Variants in SH3RF1 observed in about 807,000 individuals in gnomAD.
SH3RF1 encodes the protein E3 ubiquitin-protein ligase SH3RF1.
Under a neutral mutation model 74.0 loss-of-function variants are expected in SH3RF1, and 32 were observed. The observed-to-expected ratio is 0.43, with a 90% confidence interval of 0.33 to 0.58. The LOEUF (loss-of-function observed/expected upper bound fraction) is 0.58. SH3RF1 is among the 20% of genes least tolerant of loss of function. The pLI is 0.05. For synonymous variants in SH3RF1, 396 were observed against 439.6 expected, an observed-to-expected ratio of 0.90 and a Z score of 1.24; for missense variants, 954 against 1,130.9, an observed-to-expected ratio of 0.84 and a Z score of 2.24.
intron 2 of SH3RF1, among the ~76,000 whole-genome samples, chr4:169,230,116 G>GA (rs1197937838): frequency 6.6e-6 from 1 of 152,188 alleles, no homozygotes; most frequent in Non-Finnish European, 1.5e-5. Context: ...CGAGGCAGGA[G>GA]ACTGCTTGAA....
chr4:169,166,278 G>A (rs2126970391), intron 2 of SH3RF1: 1 of 152,972 alleles, frequency 6.5e-6, no homozygotes, highest in East Asian at 1.9e-4. Context: ...CCAGATGGTG[G>A]TGAAAAAATT....
intron 2 of SH3RF1, among the ~76,000 whole-genome samples, chr4:169,231,575 A>AT (rs201812152): frequency 3.3e-4 from 49 of 150,582 alleles, no homozygotes; most frequent in African/African-American, 1.0e-3. Context: ...CAAAAAAAAA[A>AT]TTTTTTTTTT....
At chr4:169,149,350 A>C (rs1338238529) in intron 4 of SH3RF1, among the ~76,000 whole-genome samples, 1 of 152,160 alleles carries the variant, frequency 6.6e-6, no homozygotes, top group Non-Finnish European at 1.5e-5. Flanking sequence ...GCCAGTGCTC[A>C]TTTTTCCTTT....
At chr4:169,103,084 CT>C (rs1733067957) in intron 11 of SH3RF1, among the ~76,000 whole-genome samples, 1 of 85,488 alleles carries the variant, frequency 1.2e-5, no homozygotes, top group Non-Finnish European at 2.2e-5. Context: ...CCGCGCCTGG[CT>C]ATTTTTTTTT....
chr4:169,111,958 C>T (rs1450919858), intron 10 of SH3RF1, among the ~76,000 whole-genome samples: 1 of 152,166 alleles, frequency 6.6e-6, no homozygotes, highest in African/African-American at 2.4e-5. Flanking sequence ...AAATAAAATA[C>T]TGTTCAAAGG....
At chr4:169,111,127 C>A (rs1733237192) in intron 10 of SH3RF1, among the ~76,000 whole-genome samples, 1 of 151,660 alleles carries the variant, frequency 6.6e-6, no homozygotes, top group Non-Finnish European at 1.5e-5. Context: ...CATGGTGAAA[C>A]CCTGTCTCTA....
chr4:169,228,282 C>T (rs1315164073), intron 2 of SH3RF1, among the ~76,000 whole-genome samples: 1 of 152,184 alleles, frequency 6.6e-6, no homozygotes, highest in African/African-American at 2.4e-5. Context: ...CAAATTAGCA[C>T]AAACTTCATG....
intron 2 of SH3RF1, among the ~76,000 whole-genome samples, chr4:169,227,627 T>C (rs2127005450): frequency 6.6e-6 from 1 of 152,316 alleles, no homozygotes; most frequent in South Asian, 2.1e-4. Flanking sequence ...ATAACATCTA[T>C]GCATTATTTA....
At chr4:169,240,532 G>C (rs1561062154) in intron 2 of SH3RF1, among the ~76,000 whole-genome samples, 2 of 152,110 alleles carry the variant, frequency 1.3e-5, no homozygotes, top group African/African-American at 4.8e-5. Flanking sequence ...AGCAGTTTGA[G>C]AAACTGTTCA....
At chr4:169,233,495 C>T (rs1730777148) in intron 2 of SH3RF1, among the ~76,000 whole-genome samples, 1 of 152,074 alleles carries the variant, frequency 6.6e-6, no homozygotes, top group Non-Finnish European at 1.5e-5. Context: ...GAAGGCTTAT[C>T]ACAGGACAGG....
chr4:169,204,530 T>C (rs1401712770), intron 2 of SH3RF1, among the ~76,000 whole-genome samples: 1 of 151,616 alleles, frequency 6.6e-6, no homozygotes, highest in East Asian at 1.9e-4. Context: ...CTTACCTGGT[T>C]ATCACATATA....
At chr4:169,156,267 G>T in intron 3 of SH3RF1, 137 bp downstream of exon 3, 2 of 915,558 alleles carry the variant, frequency 2.2e-6, no homozygotes, top group South Asian at 2.6e-5. Context: ...CTGCTTCTAG[G>T]CATTTTCAGA....
intron 2 of SH3RF1, among the ~76,000 whole-genome samples, chr4:169,237,951 T>C (rs1730846569): frequency 1.3e-5 from 2 of 152,170 alleles, no homozygotes; most frequent in Admixed American, 6.5e-5. Flanking sequence ...TGTAAGTCCT[T>C]GGCCTGCCTT....
chr4:169,168,757 G>A lies in SH3RF1; in HGVS notation c.394-12078C>T, dbSNP rs567583310. Among the ~76,000 whole-genome samples, 6 of 152,360 alleles carry A rather than the reference G, an allele frequency of 3.9e-5. No individual in the cohort carries two copies. The East Asian group carries it at 1.2e-3, about 29-fold the overall frequency. On this transcript the variant is annotated intron_variant, in intron 2 of 11. Coordinates refer to ENST00000284637, the MANE Select transcript of SH3RF1 (RefSeq NM_020870.4). ...GCCCAAAGGCAAAGGGACAGACTATGACTGATGATCTCTAGTAATCTATGA... is the reference window on the plus strand; with the variant it reads ...GCCCAAAGGCAAAGGGACAGACTATAACTGATGATCTCTAGTAATCTATGA...
At chr4:169,202,875 C>G (rs1243963296) in intron 2 of SH3RF1, among the ~76,000 whole-genome samples, 1 of 152,152 alleles carries the variant, frequency 6.6e-6, no homozygotes, top group Non-Finnish European at 1.5e-5. Context: ...CTTTAAAAAA[C>G]TGGCAATTGT....
intron 2 of SH3RF1, among the ~76,000 whole-genome samples, chr4:169,196,896 A>C (rs1027955421): frequency 1.3e-5 from 2 of 151,972 alleles, no homozygotes; most frequent in Non-Finnish European, 2.9e-5. Flanking sequence ...AAGACATGTT[A>C]ATCTCTATTT....
At chr4:169,225,461 C>A (rs900471621) in intron 2 of SH3RF1, among the ~76,000 whole-genome samples, 1 of 152,072 alleles carries the variant, frequency 6.6e-6, no homozygotes, top group Admixed American at 6.6e-5. Flanking sequence ...TTAGATAGAA[C>A]GCTAGGGACA....
chr4:169,171,746 A>G (rs1302881852), intron 2 of SH3RF1, among the ~76,000 whole-genome samples: 2 of 152,220 alleles, frequency 1.3e-5, no homozygotes, highest in Admixed American at 1.3e-4. Flanking sequence ...CCCAGCCTAC[A>G]ATATTCCCCT....
chr4:169,134,759 T>C (rs1733669437), intron 5 of SH3RF1, among the ~76,000 whole-genome samples: 1 of 152,196 alleles, frequency 6.6e-6, no homozygotes, highest in South Asian at 2.1e-4. Context: ...ATGGTTCCCC[T>C]CTCTACCCAT....
Sources: gnomAD v4.1 joint callset for allele counts (sites outside exome capture counted in the v4.1 genomes callset) on GRCh38, gnomAD v4.1.1 for gene constraint, MANE v1.5 for transcripts, NCBI Gene and HGNC (gene_info 2026-07-23, HGNC 2026-07-21) for gene names.